The following CADPS2 variants were observed in gnomAD, a reference collection of about 807,000 sequenced individuals.
CADPS2 encodes calcium dependent secretion activator 2.
Under a neutral mutation model 172.5 loss-of-function variants are expected in CADPS2, and 93 were observed. The ratio of observed to expected loss-of-function variants is 0.54; its 90% CI spans 0.46 to 0.64. CADPS2 has a LOEUF of 0.64. CADPS2 is among the 30% of genes least tolerant of loss of function. The pLI, the probability that CADPS2 is intolerant of heterozygous loss-of-function variation, is 0.00. For missense variants in CADPS2, 1,420 were observed against 1,565.9 expected, an observed-to-expected ratio of 0.91 and a Z score of 1.57; for synonymous variants, 546 against 555.2, an observed-to-expected ratio of 0.98 and a Z score of 0.23.
chr7:122,586,293 A>G (rs1286887051), intron 6 of CADPS2, among the ~76,000 whole-genome samples: 1 of 151,936 alleles, frequency 6.6e-6, no homozygotes, highest in Non-Finnish European at 1.5e-5. Flanking sequence ...GATAATAAAT[A>G]ATTATACTGT....
intron 8 of CADPS2, among the ~76,000 whole-genome samples, chr7:122,539,267 A>T (rs1043701249): frequency 7.2e-5 from 11 of 152,112 alleles, no homozygotes; most frequent in Non-Finnish European, 1.2e-4. Flanking sequence ...GAAATGATGA[A>T]TTCAGCCCCC....
At chr7:122,441,116 T>C (rs1317789960) in intron 16 of CADPS2, among the ~76,000 whole-genome samples, 3 of 152,138 alleles carry the variant, frequency 2.0e-5, no homozygotes, top group Admixed American at 6.6e-5. Flanking sequence ...TGGTAAATGA[T>C]AAACTTGTTG....
intron 16 of CADPS2, 62 bp from the exon 17 acceptor site, chr7:122,438,526 A>G: frequency 1.3e-6 from 2 of 1,555,216 alleles, no homozygotes; most frequent in Admixed American, 1.8e-5. Context: ...TGGAAGAAAA[A>G]AGACAGATGT....
Position 122,319,580 on chromosome 7 carries a change from A to T in CADPS2, c.*585T>A, listed in dbSNP as rs1193528414. On this transcript the variant is annotated 3_prime_UTR_variant, in exon 30 of 30. Coordinates refer to ENST00000449022, the MANE Select transcript of CADPS2 (RefSeq NM_017954.11). Reference sequence around the variant, plus strand: ...AATCTAGTCTATATTTGGGTTTGGCAATCCTTTCATCCCAGGAATATACCT... The same window carrying T: ...AATCTAGTCTATATTTGGGTTTGGCTATCCTTTCATCCCAGGAATATACCT... The T allele has an allele frequency of 1.3e-5, 2 of 152,192 alleles. No homozygotes were observed. Among genetic ancestry groups the T allele is most frequent in the Non-Finnish European group, 2.9e-5 (2 of 68,040 alleles). 9.4% of individuals were successfully genotyped at this position (152,192 alleles called of 1,614,324 possible). A position where few individuals can be genotyped will look rare whatever the true frequency, so the allele number is the denominator to read the frequency against.
chr7:122,507,314 A>G (rs10251826), intron 9 of CADPS2, among the ~76,000 whole-genome samples: 21,573 of 152,048 alleles, frequency 0.14, 2,242 homozygotes, highest in African/African-American at 0.29. Flanking sequence ...CTATAAAGGG[A>G]CTTAGAGGTG....
intron 1 of CADPS2, among the ~76,000 whole-genome samples, chr7:122,766,658 G>GT (rs1427945742): frequency 6.6e-6 from 1 of 152,140 alleles, no homozygotes; most frequent in African/African-American, 2.4e-5. Flanking sequence ...AAGAAAAGGT[G>GT]TAAGTGTGTA....
At chr7:122,540,855 T>C (rs2062841086) in intron 8 of CADPS2, among the ~76,000 whole-genome samples, 1 of 152,150 alleles carries the variant, frequency 6.6e-6, no homozygotes, top group Non-Finnish European at 1.5e-5. Flanking sequence ...TTTCATTTTA[T>C]ATGACTTATA....
chr7:122,706,661 G>T (rs550642791), intron 2 of CADPS2, among the ~76,000 whole-genome samples: 7 of 146,656 alleles, frequency 4.8e-5, no homozygotes, highest in Non-Finnish European at 1.0e-4. Context: ...CTTAACAAGA[G>T]ATAGGTAGAA....
intron 2 of CADPS2, chr7:122,702,217 T>C (rs2086242126): frequency 6.2e-6 from 10 of 1,613,818 alleles, no homozygotes; most frequent in Non-Finnish European, 8.5e-6. Context: ...TTCTCCCCAC[T>C]TCAATGATGA....
chr7:122,683,223 A>T (rs550145561), intron 2 of CADPS2, among the ~76,000 whole-genome samples: 40 of 152,320 alleles, frequency 2.6e-4, no homozygotes, highest in African/African-American at 7.9e-4. Flanking sequence ...AGCCACATCT[A>T]TCTGTAGTTT....
chr7:122,425,716 TTA>T (rs2049087950), intron 17 of CADPS2, among the ~76,000 whole-genome samples: 3 of 152,190 alleles, frequency 2.0e-5, no homozygotes, highest in Non-Finnish European at 4.4e-5. Flanking sequence ...GTGTTGTTCT[TTA>T]TATATACATT....
At chr7:122,835,552 C>A (rs567426599) in intron 1 of CADPS2, among the ~76,000 whole-genome samples, 7 of 152,090 alleles carry the variant, frequency 4.6e-5, no homozygotes, top group Admixed American at 4.6e-4. Flanking sequence ...ATTAGACGAA[C>A]GGATAACTAG....
At chr7:122,817,996 C>T (rs1469870356) in intron 1 of CADPS2, among the ~76,000 whole-genome samples, 1 of 148,736 alleles carries the variant, frequency 6.7e-6, no homozygotes, top group Non-Finnish European at 1.5e-5. Flanking sequence ...CATGCCCCGA[C>T]CCCTTATTTC....
chr7:122,339,674 G>C (rs1401398397), intron 28 of CADPS2, among the ~76,000 whole-genome samples: 1 of 152,168 alleles, frequency 6.6e-6, no homozygotes, highest in Non-Finnish European at 1.5e-5. Context: ...ATCTTCTGAG[G>C]TTAGGAGTTT....
chr7:122,493,710 TATGTTTA>T (rs773474349), intron 9 of CADPS2, among the ~76,000 whole-genome samples: 32 of 139,500 alleles, frequency 2.3e-4, no homozygotes, highest in Non-Finnish European at 4.6e-4. Flanking sequence ...CAAGCGTGGT[TATGTTTA>T]ATCTTTTTTT....
intron 6 of CADPS2, among the ~76,000 whole-genome samples, chr7:122,586,968 T>A (rs940240562): frequency 6.6e-6 from 1 of 151,790 alleles, no homozygotes; most frequent in Non-Finnish European, 1.5e-5. Flanking sequence ...AATTATCAAA[T>A]AAAAATGACA....
Position 122,436,517 on chromosome 7 carries a change from T to C in CADPS2, c.2476+1824A>G, listed in dbSNP as rs552164404. 1,092 of 277,290 alleles carry C rather than the reference T, an allele frequency of 3.9e-3. 28 individuals are homozygous for C. In the South Asian group the frequency reaches 0.042, roughly 11 times the overall value. 17.2% of individuals were successfully genotyped at this position (277,290 alleles called of 1,614,324 possible). ...CTGAGGATAAAACATAAATACTTTT[T>C]TTTTCTTTTTTAAGAAAAAAGTAGG... On this transcript the variant is annotated intron_variant, in intron 17 of 29. Coordinates refer to ENST00000449022, the MANE Select transcript of CADPS2 (RefSeq NM_017954.11).
intron 1 of CADPS2, among the ~76,000 whole-genome samples, chr7:122,775,668 A>G (rs1227435455): frequency 6.6e-6 from 1 of 152,182 alleles, no homozygotes; most frequent in African/African-American, 2.4e-5. Flanking sequence ...CAGAATTAAC[A>G]CTATAAATGA....
intron 27 of CADPS2, among the ~76,000 whole-genome samples, chr7:122,358,083 T>C (rs2039650735): frequency 6.6e-6 from 1 of 152,168 alleles, no homozygotes; most frequent in Non-Finnish European, 1.5e-5. Flanking sequence ...GTAGCATTCC[T>C]ACCAGCAATG....
Sources: gnomAD v4.1 joint callset for allele counts (sites outside exome capture counted in the v4.1 genomes callset) on GRCh38, gnomAD v4.1.1 for gene constraint, MANE v1.5 for transcripts, NCBI Gene and HGNC (gene_info 2026-07-23, HGNC 2026-07-21) for gene names.